Variants in PLCE1 observed in about 807,000 individuals in gnomAD.
PLCE1 encodes phospholipase C epsilon 1, also known as 1-phosphatidylinositol 4,5-bisphosphate phosphodiesterase epsilon-1.
In PLCE1, 119 loss-of-function variants were observed where a neutral mutation model predicts 242.8. The observed-to-expected ratio is 0.49, with a 90% CI of 0.42 to 0.57. PLCE1 has a LOEUF of 0.57. Among genes scored for constraint, PLCE1 ranks in the 20% least tolerant of loss-of-function variants. PLCE1 has a pLI of 0.00. For synonymous variants in PLCE1, 945 were observed against 1,017.4 expected (o/e 0.93, Z 1.35); for missense variants, 2,441 against 2,788.8 (o/e 0.88, Z 2.81).
At chr10:94,071,082 CAAGACCTGATAGATAGT>C (rs1189780310) in intron 2 of PLCE1, among the ~76,000 whole-genome samples, 2 of 152,182 alleles carry the variant, frequency 1.3e-5, no homozygotes, top group African/African-American at 4.8e-5. Context: ...GCAGCTTGCT[CAAGACCTGATAGATAGT>C]AAGTGCTGCG....
chr10:94,095,786 G>T (rs780499940), intron 2 of PLCE1, among the ~76,000 whole-genome samples: 2 of 152,144 alleles, frequency 1.3e-5, no homozygotes, highest in Non-Finnish European at 2.9e-5. Context: ...TGAGGACCAG[G>T]CCTGATTTTA....
chr10:94,189,901 A>G (rs1221365100), intron 4 of PLCE1, among the ~76,000 whole-genome samples: 1 of 152,252 alleles, frequency 6.6e-6, no homozygotes, highest in Non-Finnish European at 1.5e-5. Context: ...TAACCCTGTT[A>G]CTTATTAGCA....
rs114528899 is a variant in PLCE1, at chr10:94,173,910, C to T, written c.1809+2414C>T. ...GATCCCAAATGATCTCTACTGGACA[C>T]GACTGGAATAGCTAAATTCTAGTTC... On this transcript the variant is annotated intron_variant, in intron 4 of 32. Coordinates refer to ENST00000371380, the MANE Select transcript of PLCE1 (RefSeq NM_016341.4). Among the ~76,000 whole-genome samples the T allele has an allele frequency of 6.2e-3, 948 of 152,254 alleles. 14 individuals are homozygous for T. The highest frequency in any genetic ancestry group is 0.021 in the African/African-American group (875 of 41,548).
rs572226826 is a variant in PLCE1 at position 94,155,275 on chromosome 10, T to C, written c.1493-15905T>C. ...GAATAAACAAAATGTGGTATATACATACAATGGAATATTATTCAGTTATTA... is the reference window on the plus strand; with the variant it reads ...GAATAAACAAAATGTGGTATATACACACAATGGAATATTATTCAGTTATTA... On this transcript the variant is annotated intron_variant, in intron 3 of 32. Transcript: ENST00000371380. Among the ~76,000 whole-genome samples the C allele has an allele frequency of 1.4e-4, 21 of 152,330 alleles. No individual in the cohort carries two copies. In the South Asian group the frequency reaches 4.1e-3, roughly 30 times the overall value.
intron 1 of PLCE1, among the ~76,000 whole-genome samples, chr10:94,004,412 A>G (rs887116858): frequency 2.7e-5 from 4 of 147,496 alleles, no homozygotes; most frequent in African/African-American, 1.0e-4. Context: ...TTAAGGGGGG[A>G]AAAAGTGTTC....
chr10:94,285,066 A>AT, intron 22 of PLCE1, 101 bp downstream of exon 22: 1 of 739,474 alleles, frequency 1.4e-6, no homozygotes, highest in Non-Finnish European at 2.5e-6. Context: ...AAATAACTAA[A>AT]TTGTGTTGCT....
intron 23 of PLCE1, among the ~76,000 whole-genome samples, chr10:94,297,590 TAAAA>T (rs71031568): frequency 8.8e-5 from 5 of 56,572 alleles, no homozygotes; most frequent in African/African-American, 1.1e-4. Context: ...TTTAAATTTG[TAAAA>T]AAAAAAAAAA....
intron 19 of PLCE1, among the ~76,000 whole-genome samples, chr10:94,274,388 G>A (rs1245798495): frequency 6.6e-6 from 1 of 152,168 alleles, no homozygotes; most frequent in Non-Finnish European, 1.5e-5. Context: ...CTTGCTCTCA[G>A]GCTGGCTCAA....
intron 2 of PLCE1, among the ~76,000 whole-genome samples, chr10:94,129,298 C>T (rs960459543): frequency 3.7e-4 from 57 of 152,238 alleles, no homozygotes; most frequent in African/African-American, 1.2e-3. Flanking sequence ...CACAGCACTA[C>T]GTCTACAGGC....
intron 2 of PLCE1, among the ~76,000 whole-genome samples, chr10:94,056,705 A>G (rs1478854348): frequency 6.6e-6 from 1 of 152,180 alleles, no homozygotes; most frequent in African/African-American, 2.4e-5. Context: ...TTAATTTACC[A>G]TATTCATGGA....
At chr10:94,269,326 TC>T (rs1417465480) in intron 17 of PLCE1, among the ~76,000 whole-genome samples, 1 of 151,980 alleles carries the variant, frequency 6.6e-6, no homozygotes, top group Admixed American at 6.6e-5. Context: ...GGTCTCAAAC[TC>T]CTGACCTCAA....
chr10:93,995,909 C>G (rs543103071), intron 1 of PLCE1, among the ~76,000 whole-genome samples: 1 of 152,334 alleles, frequency 6.6e-6, no homozygotes, highest in South Asian at 2.1e-4. Flanking sequence ...TACAACCATT[C>G]TTAGTCACAT....
At chr10:94,055,934 A>C (rs1441335476) in intron 2 of PLCE1, among the ~76,000 whole-genome samples, 1 of 152,200 alleles carries the variant, frequency 6.6e-6, no homozygotes, top group African/African-American at 2.4e-5. Context: ...GTGTGATTTC[A>C]TGTAAATAAG....
intron 2 of PLCE1, among the ~76,000 whole-genome samples, chr10:94,078,169 G>T (rs2044558189): frequency 6.6e-6 from 1 of 152,194 alleles, no homozygotes; most frequent in African/African-American, 2.4e-5. Context: ...AAAAATATCT[G>T]AATTGAATTC....
intron 4 of PLCE1, among the ~76,000 whole-genome samples, chr10:94,219,055 TA>T (rs2049632963): frequency 6.6e-6 from 1 of 150,772 alleles, no homozygotes. Context: ...ATTATATCAA[TA>T]ATACCACTAT....
chr10:94,159,282 A>G (rs967357587), intron 3 of PLCE1, among the ~76,000 whole-genome samples: 1 of 152,190 alleles, frequency 6.6e-6, no homozygotes, highest in Non-Finnish European at 1.5e-5. Flanking sequence ...ATTTGTTGCA[A>G]GACGGATTTT....
At chr10:94,155,215 A>G (rs1325677926) in intron 3 of PLCE1, among the ~76,000 whole-genome samples, 1 of 152,192 alleles carries the variant, frequency 6.6e-6, no homozygotes, top group Non-Finnish European at 1.5e-5. Flanking sequence ...ATAACAGCCA[A>G]AAAATGTAAA....
At chr10:94,199,928 T>C (rs749412393) in intron 4 of PLCE1, among the ~76,000 whole-genome samples, 34 of 151,948 alleles carry the variant, frequency 2.2e-4, no homozygotes, top group Non-Finnish European at 3.4e-4. Context: ...TCTGGGAGAG[T>C]TGGTGAGAAA....
Position 94,246,046 on chromosome 10 carries a change from C to A in PLCE1, c.2521C>A (p.His841Asn). The A allele has an allele frequency of 6.2e-7, 1 of 1,614,112 alleles. No individual in the cohort carries two copies. Among genetic ancestry groups the A allele is most frequent in the Non-Finnish European group, 8.5e-7 (1 of 1,180,004 alleles). The change falls in exon 8 of 33, where the codon CAT becomes AAT. Residue 841 changes from histidine to asparagine, a missense_variant. Transcript: ENST00000371380. The part of the protein sequence containing the change: ...GSEDSQKAFD[H>N]GTELIPWYVL... Reference sequence around the variant, plus strand: ...AGAGGACTCACAGAAGGCCTTCGACCATGGGACGGAGCTCATCCCTTGGTA... The same window carrying A: ...AGAGGACTCACAGAAGGCCTTCGACAATGGGACGGAGCTCATCCCTTGGTA...
Sources: allele counts gnomAD v4.1 joint callset (sites outside exome capture counted in the v4.1 genomes callset), GRCh38; gene constraint gnomAD v4.1.1; transcripts MANE v1.5; gene names NCBI Gene and HGNC (gene_info 2026-07-23, HGNC 2026-07-21).